The following CYP11B2 variants were observed in gnomAD, a reference collection of about 807,000 sequenced individuals.
CYP11B2 encodes the protein cytochrome P450 family 11 subfamily B member 2.
In CYP11B2, 38 loss-of-function variants were observed where a neutral mutation model predicts 49.3. The observed-to-expected ratio is 0.77, with a 90% CI of 0.59 to 1.01. CYP11B2 has a LOEUF of 1.01. Ranked by LOEUF, CYP11B2 falls within the 50% of genes least tolerant of loss-of-function variation. CYP11B2 has a pLI of 0.00. For missense variants in CYP11B2, 669 were observed against 655.5 expected (o/e 1.02, Z -0.23); for synonymous variants, 290 against 269.3 (o/e 1.08, Z -0.75).
At position 142,911,692 on chromosome 8, in the gene CYP11B2, G is replaced by T; in HGVS notation, c.*288C>A. On this transcript the variant is annotated 3_prime_UTR_variant, in exon 9 of 9. Coordinates refer to ENST00000323110, the MANE Select transcript of CYP11B2 (RefSeq NM_000498.3). Reference sequence around the variant, plus strand: ...GAGCCTGGAGCCAGCGCTGGGAGTAGAGTCAAGCTGTCCAGAGGGCACTGC... The same window carrying T: ...GAGCCTGGAGCCAGCGCTGGGAGTATAGTCAAGCTGTCCAGAGGGCACTGC... The T allele has an allele frequency of 2.1e-6, 1 of 469,026 alleles. No homozygotes were observed. Among genetic ancestry groups the T allele is most frequent in the Non-Finnish European group, 3.9e-6 (1 of 254,980 alleles). 29.1% of individuals were successfully genotyped at this position (469,026 alleles called of 1,614,324 possible).
intron 8 of CYP11B2, 124 bp downstream of exon 8, chr8:142,912,406 C>G: frequency 8.8e-7 from 1 of 1,141,540 alleles, no homozygotes; most frequent in Non-Finnish European, 1.3e-6. Context: ...GTCACGCCGA[C>G]CTCAACCAAC....
chr8:142,917,198 G>C lies in CYP11B2; in HGVS notation c.256C>G (p.Pro86Ala), dbSNP rs200283987. 3.4e-5 allele frequency: 55 copies of C among 1,614,024 alleles called. No homozygotes were observed. The highest frequency in any genetic ancestry group is 3.2e-4 in the African/African-American group (24 of 75,026). The change falls in exon 2 of 9, where the codon CCA (proline) becomes GCA (alanine). Residue 86 changes from proline (P) to alanine (A), a missense_variant. Pro to Ala is a conservative substitution (Grantham distance 27). Transcript: ENST00000323110. ...GPIFRYNLGG[P>A]RMVCVMLPED... ...GGCAGCATCACACACACCATGCGTGGTCCTCCCAAGTTGTACCTGTGGGGC... is the reference window on the plus strand; with the variant it reads ...GGCAGCATCACACACACCATGCGTGCTCCTCCCAAGTTGTACCTGTGGGGC...
rs777265072 is a variant in CYP11B2, at chr8:142,914,812, A to T, written c.692T>A (p.Phe231Tyr). Residue 231 changes from phenylalanine to tyrosine, a missense_variant, in exon 4 of 9, where the codon TTC becomes TAC. Physicochemically the swap from Phe to Tyr is conservative, Grantham distance 22. Transcript: ENST00000323110. ...LNFLHALEVM[F>Y]KSTVQLMFMP... ...GAACATGAGCTGGACGGTGGATTTGAACATGACCTCCAGGGCATGGAGGAA... is the reference window on the plus strand; with the variant it reads ...GAACATGAGCTGGACGGTGGATTTGTACATGACCTCCAGGGCATGGAGGAA... 11 of 1,613,618 alleles carry T rather than the reference A, an allele frequency of 6.8e-6. No homozygotes were observed. The highest frequency in any genetic ancestry group is 9.3e-6 in the Non-Finnish European group (11 of 1,179,978).
chr8:142,914,756 G>C lies in CYP11B2; in HGVS notation c.748C>G (p.Pro250Ala). The C allele has an allele frequency of 6.2e-7, 1 of 1,613,480 alleles. No individual in the cohort carries two copies. The highest frequency in any genetic ancestry group is 1.1e-5 in the South Asian group (1 of 90,944). ...MPRSLSRWIS[P>A]KVWKEHFEAW... ...TCAAAGTGCTCCTTCCACACCTTGG[G>C]GCTGATCCAGCGAGACAGGCTCCTG... Residue 250 changes from proline to alanine, a missense_variant, in exon 4 of 9, where the codon CCC becomes GCC. Coordinates refer to ENST00000323110, the MANE Select transcript of CYP11B2 (RefSeq NM_000498.3).
Position 142,913,371 on chromosome 8 carries a change from C to T in CYP11B2, c.1035G>A (p.Leu345=), listed in dbSNP as rs780878883. ...GTTCACTGATGCTGGCTGCGGCGGC[C>T]AGGCTCTCCTGGCGCAGGATCTGCT... ...DVQQILRQES[L]AAAASISEHP... is the part of the protein sequence containing the mutation. Residue 345 remains leucine (L), a synonymous_variant, in exon 6 of 9, where the codon CTG becomes CTA. Transcript: ENST00000323110. 6.2e-7 allele frequency: 1 copy of T among 1,613,820 alleles called. No individual in the cohort carries two copies. The highest frequency in any genetic ancestry group is 1.1e-5 in the South Asian group (1 of 91,082).
chr8:142,917,239 G>C, intron 1 of CYP11B2, 25 bp from the exon 2 acceptor site: 1 of 1,612,304 alleles, frequency 6.2e-7, no homozygotes, highest in South Asian at 1.1e-5. Context: ...AGGAGGCCCT[G>C]CTGGACGGGG....
chr8:142,914,493 A>C lies in CYP11B2; in HGVS notation c.800-75T>G, dbSNP rs112270126. ...CCTTCAGTGTCCTCCTCCTGCCCAG[A>C]CTGCCCCGACACCCAAATCTCCCTG... On this transcript the variant is annotated intron_variant, in intron 4 of 8. Transcript: ENST00000323110. 1,812 of 1,480,372 alleles carry C rather than the reference A, an allele frequency of 1.2e-3. 51 individuals are homozygous for C. In the African/African-American group the frequency reaches 0.02, roughly 16 times the overall value. 91.7% of individuals were successfully genotyped at this position (1,480,372 alleles called of 1,614,324 possible).
At chr8:142,915,837 G>C (rs1457481216) in intron 2 of CYP11B2, among the ~76,000 whole-genome samples, 1 of 152,038 alleles carries the variant, frequency 6.6e-6, no homozygotes, top group East Asian at 1.9e-4. Flanking sequence ...CCAGGGAATG[G>C]TGGGGAGGAA....
chr8:142,916,375 C>A (rs763409506), intron 2 of CYP11B2: 18 of 456,256 alleles, frequency 3.9e-5, no homozygotes, highest in South Asian at 2.6e-4. Flanking sequence ...GTGACATCCT[C>A]ATCCAGTCCT....
intron 4 of CYP11B2, 106 bp downstream of exon 4, chr8:142,914,599 C>T: frequency 6.7e-7 from 1 of 1,483,476 alleles, no homozygotes; most frequent in Non-Finnish European, 9.1e-7. Flanking sequence ...TGAGGAATCC[C>T]CGACCCCTCC....
intron 5 of CYP11B2, chr8:142,913,940 C>G (rs1193331723): frequency 5.7e-6 from 3 of 525,960 alleles, no homozygotes; most frequent in Admixed American, 4.5e-5. Flanking sequence ...GCCTCTCAAC[C>G]CTCCTTCTCC....
chr8:142,913,476 C>T, intron 5 of CYP11B2, 25 bp from the exon 6 acceptor site: 1 of 1,614,000 alleles, frequency 6.2e-7, no homozygotes, highest in Admixed American at 1.7e-5. Flanking sequence ...TCTGCAGGGT[C>T]AGACCTTGCA....
In CYP11B2 at chr8:142,912,546, A is replaced by G. The variant is rs72554627; in HGVS notation, c.1382T>C (p.Leu461Pro). The change falls in exon 8 of 9, where the codon CTG becomes CCG. Residue 461 changes from leucine to proline, a missense_variant. Leu to Pro is a moderately conservative substitution (Grantham distance 98). Coordinates refer to ENST00000323110, the MANE Select transcript of CYP11B2 (RefSeq NM_000498.3). ...CCTGCTTACGTGGTGCAGCAGCAGCAGCATCTCTGCCTCTGCCAGGCGCCG... is the reference window on the plus strand; with the variant it reads ...CCTGCTTACGTGGTGCAGCAGCAGCGGCATCTCTGCCTCTGCCAGGCGCCG... Reference protein sequence around the residue: ...LGRRLAEAEMLLLLHHVLKHF... With the variant: ...LGRRLAEAEMPLLLHHVLKHF... 1 of 1,613,098 alleles carries G rather than the reference A, an allele frequency of 6.2e-7. No homozygotes were observed. Among genetic ancestry groups the G allele is most frequent in the Non-Finnish European group, 8.5e-7 (1 of 1,179,800 alleles).
chr8:142,917,562 G>C (rs1164842118), intron 1 of CYP11B2, 40 bp downstream of exon 1: 1 of 1,613,884 alleles, frequency 6.2e-7, no homozygotes, highest in East Asian at 2.2e-5. Flanking sequence ...GCAGGGGCAG[G>C]GATCTGGGTG....
chr8:142,912,959 C>T (rs1408519208), intron 6 of CYP11B2, 74 bp from the exon 7 acceptor site: 3 of 1,497,634 alleles, frequency 2.0e-6, no homozygotes, highest in East Asian at 2.3e-5. Context: ...CCCTTCCTAC[C>T]GAAGACCCCG....
In CYP11B2 at chr8:142,917,771, G is replaced by A. The variant is rs1586577268; in HGVS notation, c.70C>T (p.Leu24=). 1 of 1,614,214 alleles carries A rather than the reference G, an allele frequency of 6.2e-7. No individual in the cohort carries two copies. The highest frequency in any genetic ancestry group is 1.7e-5 in the Admixed American group (1 of 60,034). Residue 24 remains leucine (L), a synonymous_variant, in exon 1 of 9, where the codon CTG becomes TTG. Transcript: ENST00000323110. ...GGGGCCCGAGCGGCTCTAGTGCCCA[G>A]TGCCCGTGCCCTTTGCAGGGACAGC... ...PWLSLQRARA[L]GTRAARAPRT... is the part of the protein sequence containing the mutation.
Position 142,910,896 on chromosome 8 carries a change from A to C in CYP11B2, c.*1084T>G, listed in dbSNP as rs1817521414. 1 of 152,178 alleles carries C rather than the reference A, an allele frequency of 6.6e-6. No individual in the cohort carries two copies. Among genetic ancestry groups the C allele is most frequent in the Non-Finnish European group, 1.5e-5 (1 of 68,084 alleles). The allele number at this position is 152,178 out of a possible 1,614,324, so 9.4% of individuals were successfully genotyped here. On this transcript the variant is annotated 3_prime_UTR_variant, in exon 9 of 9. Transcript: ENST00000323110. The surrounding 1 kb of genome is among the most constrained non-coding windows in gnomAD (Gnocchi z 4.6). ...TCTTTGCCCTAATGAAAATCCCAGG[A>C]GATAAAGATGATGTGGCTGGGCACG...
chr8:142,910,664 G>A lies in CYP11B2; in HGVS notation c.*1316C>T, dbSNP rs1817516855. ...AACAAGGAAGCCATCTCTGAGGTCT[G>A]TGCACCTTGTTGCCCCCTTATTCCT... On this transcript the variant is annotated 3_prime_UTR_variant, in exon 9 of 9. Transcript: ENST00000323110. This position sits in a 1 kb window ranked among gnomAD's most constrained non-coding sequence, Gnocchi z 4.6. 1 of 152,154 alleles carries A rather than the reference G, an allele frequency of 6.6e-6. No homozygotes were observed. Among genetic ancestry groups the A allele is most frequent in the Admixed American group, 6.5e-5 (1 of 15,284 alleles). The allele number at this position is 152,154 out of a possible 1,614,324, so 9.4% of individuals were successfully genotyped here.
intron 2 of CYP11B2, chr8:142,916,434 C>T (rs747925468): frequency 9.6e-5 from 44 of 456,594 alleles, no homozygotes; most frequent in Non-Finnish European, 1.8e-5. Context: ...CTCCAAGCAT[C>T]AGCCTCTCCC....
Sources: allele counts gnomAD v4.1 joint callset (sites outside exome capture counted in the v4.1 genomes callset), GRCh38; gene constraint gnomAD v4.1.1; non-coding constraint Gnocchi (gnomAD v3.1); transcripts MANE v1.5; gene names NCBI Gene and HGNC (gene_info 2026-07-23, HGNC 2026-07-21).